PRLR: variants seen among roughly 807,000 people sequenced by gnomAD.
The protein encoded by PRLR is prolactin receptor, also known as hPRL receptor.
In PRLR, 13 loss-of-function variants were observed where a neutral mutation model predicts 40.2. That is an observed-to-expected ratio of 0.32 (90% CI 0.21 to 0.51). PRLR has a LOEUF of 0.51. Ranked by LOEUF, PRLR falls within the 20% of genes least tolerant of loss-of-function variation. The pLI, the probability that PRLR is intolerant of heterozygous loss-of-function variation, is 0.97. For synonymous variants in PRLR, 269 were observed against 278.7 expected (o/e 0.97, Z 0.35); for missense variants, 656 against 747.3 (o/e 0.88, Z 1.42).
intron 1 of PRLR, among the ~76,000 whole-genome samples, chr5:35,155,500 C>G (rs558821129): frequency 6.6e-6 from 1 of 151,918 alleles, no homozygotes; most frequent in African/African-American, 2.4e-5. Context: ...CAAGGAAGAA[C>G]AATGAATAAG....
At chr5:35,156,888 T>C (rs957749324) in intron 1 of PRLR, among the ~76,000 whole-genome samples, 1 of 152,070 alleles carries the variant, frequency 6.6e-6, no homozygotes, top group Non-Finnish European at 1.5e-5. Context: ...CATGGAAGAA[T>C]TACACATGCT....
chr5:35,133,082 C>T (rs1458491977), intron 1 of PRLR, among the ~76,000 whole-genome samples: 1 of 152,110 alleles, frequency 6.6e-6, no homozygotes, highest in African/African-American at 2.4e-5. Context: ...CCTTGGACTT[C>T]AGACCCCTGG....
intron 1 of PRLR, among the ~76,000 whole-genome samples, chr5:35,125,143 A>G (rs1051287647): frequency 3.5e-4 from 53 of 152,306 alleles, no homozygotes; most frequent in African/African-American, 1.2e-3. Flanking sequence ...TAAAGTTTAG[A>G]GCTGGATTTT....
At chr5:35,195,740 A>T (rs915765700) in intron 1 of PRLR, 1 of 151,698 alleles carries the variant, frequency 6.6e-6, no homozygotes, top group Non-Finnish European at 1.5e-5. Context: ...CCTACTGTTA[A>T]TAATTGATCT....
chr5:35,177,603 A>AT (rs1328663947), intron 1 of PRLR, among the ~76,000 whole-genome samples: 1 of 152,008 alleles, frequency 6.6e-6, no homozygotes, highest in African/African-American at 2.4e-5. Context: ...TTACCATAAC[A>AT]TTTTTGAGGT....
chr5:35,065,624 C>T lies in PRLR; in HGVS notation c.1334G>A (p.Gly445Asp), dbSNP rs1769314858. 1.9e-6 allele frequency: 3 copies of T among 1,613,916 alleles called. No homozygotes were observed. Among genetic ancestry groups the T allele is most frequent in the Middle Eastern group, 1.6e-4 (1 of 6,062 alleles). Residue 445 changes from glycine (G) to aspartate (D), a missense_variant, in exon 10 of 10, where the codon GGT becomes GAT. Gly to Asp is a moderately conservative substitution (Grantham distance 94). Around this residue, in one of 3 missense-constraint regions of PRLR, gnomAD observed 469 missense variants for 491.5 expected, o/e 0.95. Coordinates refer to ENST00000618457, the MANE Select transcript of PRLR (RefSeq NM_000949.7). ...TTCATTCAACAGAGTGGCCGGTGCACCTGCAGGGCCCACAGCCAGCTCACA... is the reference window on the plus strand; with the variant it reads ...TTCATTCAACAGAGTGGCCGGTGCATCTGCAGGGCCCACAGCCAGCTCACA... The part of the protein sequence containing the change: ...DVCELAVGPA[G>D]APATLLNEAG...
intron 2 of PRLR, among the ~76,000 whole-genome samples, chr5:35,108,045 C>A (rs1772387789): frequency 6.6e-6 from 1 of 152,188 alleles, no homozygotes; most frequent in Admixed American, 6.5e-5. Context: ...TTGGCTTCAT[C>A]CCTGGGATGC....
intron 1 of PRLR, among the ~76,000 whole-genome samples, chr5:35,227,871 T>C: frequency 6.6e-6 from 1 of 152,172 alleles, no homozygotes; most frequent in East Asian, 1.9e-4. Flanking sequence ...CACTAGCTGT[T>C]TTGTACTCAA....
At chr5:35,161,846 A>T (rs1356027329) in intron 1 of PRLR, among the ~76,000 whole-genome samples, 1 of 152,254 alleles carries the variant, frequency 6.6e-6, no homozygotes, top group East Asian at 1.9e-4. Context: ...CTTGCACAGA[A>T]GATAATTTTA....
At position 35,173,801 on chromosome 5, in the gene PRLR, G is replaced by GT. The variant is rs1010352986; in HGVS notation, c.-105-55680dup. ...TTTATATGCATTCCTTTAAAGGGTA[G>GT]TTTTTTTTTGTTGTTGTTTCTTTTC... On this transcript the variant is annotated intron_variant, in intron 1 of 9. Transcript: ENST00000618457. Among the ~76,000 whole-genome samples, 17 of 151,418 alleles carry GT rather than the reference G, an allele frequency of 1.1e-4. No homozygotes were observed. In the South Asian group the frequency reaches 1.7e-3, roughly 15 times the overall value.
At chr5:35,080,447 T>C (rs1422699689) in intron 5 of PRLR, among the ~76,000 whole-genome samples, 1 of 152,194 alleles carries the variant, frequency 6.6e-6, no homozygotes, top group Non-Finnish European at 1.5e-5. Context: ...AAAATGCTCA[T>C]CGTCACTGGC....
chr5:35,166,332 C>T (rs139142245), intron 1 of PRLR, among the ~76,000 whole-genome samples: 1 of 152,310 alleles, frequency 6.6e-6, no homozygotes, highest in East Asian at 1.9e-4. Context: ...CCACAATCAA[C>T]TCTGCTTTGG....
intron 1 of PRLR, among the ~76,000 whole-genome samples, chr5:35,197,456 G>A (rs1293506982): frequency 6.6e-6 from 1 of 152,206 alleles, no homozygotes; most frequent in Non-Finnish European, 1.5e-5. Context: ...GCTCAGATCT[G>A]GGAGTGACCC....
At chr5:35,087,422 T>TGTGTGTGTGTGTG (rs1561284886) in intron 3 of PRLR, among the ~76,000 whole-genome samples, 4 of 140,854 alleles carry the variant, frequency 2.8e-5, no homozygotes, top group Admixed American at 7.1e-5. Flanking sequence ...TCTCTTTCCT[T>TGTGTGTGTGTGTG]TGTGTGTGTG....
At chr5:35,077,473 G>C (rs567370907) in intron 5 of PRLR, among the ~76,000 whole-genome samples, 49 of 152,284 alleles carry the variant, frequency 3.2e-4, no homozygotes, top group Non-Finnish European at 4.4e-4. Flanking sequence ...TTACATAATG[G>C]TAAAGGGATC....
intron 1 of PRLR, among the ~76,000 whole-genome samples, chr5:35,192,137 G>T (rs1775625238): frequency 1.3e-5 from 2 of 152,082 alleles, no homozygotes; most frequent in Non-Finnish European, 2.9e-5. Flanking sequence ...GGGGACAAGG[G>T]GTATGTTTCA....
intron 1 of PRLR, among the ~76,000 whole-genome samples, chr5:35,127,007 C>A (rs924185622): frequency 6.6e-6 from 1 of 152,174 alleles, no homozygotes. Context: ...AATGGCTGTG[C>A]AGGGTTTTGC....
In PRLR at chr5:35,151,769, C is replaced by G. The variant is rs377071947; in HGVS notation, c.-105-33647G>C. ...GGCACCAAACATATGAATAAGGAAG[C>G]CTCCAGCTGATTTCAGTTTCCAAGC... On this transcript the variant is annotated intron_variant, in intron 1 of 9. Transcript: ENST00000618457. 2.6e-5 allele frequency among the ~76,000 whole-genome samples: 4 copies of G among 152,196 alleles called. No homozygotes were observed. In the East Asian group the frequency reaches 7.7e-4, roughly 29 times the overall value.
At chr5:35,176,624 T>C (rs1195933902) in intron 1 of PRLR, among the ~76,000 whole-genome samples, 1 of 152,172 alleles carries the variant, frequency 6.6e-6, no homozygotes, top group Non-Finnish European at 1.5e-5. Context: ...GGCAGCACGC[T>C]CCTTAAGAGT....
Sources: gnomAD v4.1 joint callset for allele counts (sites outside exome capture counted in the v4.1 genomes callset) on GRCh38, gnomAD v4.1.1 for gene constraint, gnomAD v4.1.1 regional missense constraint, MANE v1.5 for transcripts, NCBI Gene and HGNC (gene_info 2026-07-23, HGNC 2026-07-21) for gene names.